Variants in USP10 observed in about 807,000 individuals in gnomAD.
USP10 encodes the protein ubiquitin specific peptidase 10.
USP10 carries 22 observed loss-of-function variants against 84.5 expected under a neutral mutation model. That is an observed-to-expected ratio of 0.26 (90% confidence interval 0.19 to 0.37). USP10 has a LOEUF of 0.37. USP10 is among the 10% of genes least tolerant of loss of function. The probability of loss-of-function intolerance (pLI) is 1.00; values close to 1 mark genes in which losing one functional copy is unlikely to be tolerated. For synonymous variants in USP10, 454 were observed against 387.6 expected, an observed-to-expected ratio of 1.17 and a Z score of -2.01; for missense variants, 1,019 against 998.9, an observed-to-expected ratio of 1.02 and a Z score of -0.27.
intron 5 of USP10, 109 bp from the exon 6 acceptor site, chr16:84,759,254 C>A: frequency 9.9e-7 from 1 of 1,009,450 alleles, no homozygotes; most frequent in Non-Finnish European, 1.5e-6. Context: ...AGTAGTTCAA[C>A]GTCCTTAGCT....
intron 1 of USP10, among the ~76,000 whole-genome samples, chr16:84,731,848 C>T (rs1909281043): frequency 6.6e-6 from 1 of 151,558 alleles, no homozygotes; most frequent in Non-Finnish European, 1.5e-5. Context: ...CCTTCCATTG[C>T]TTTGAGGGTT....
At chr16:84,721,530 T>C (rs1317692766) in intron 1 of USP10, among the ~76,000 whole-genome samples, 2 of 152,166 alleles carry the variant, frequency 1.3e-5, no homozygotes, top group African/African-American at 2.4e-5. Flanking sequence ...GTTCGAGGTT[T>C]TTTGTCTTTG....
At chr16:84,766,522 C>A (rs1003566459) in intron 10 of USP10, among the ~76,000 whole-genome samples, 3 of 152,224 alleles carry the variant, frequency 2.0e-5, no homozygotes, top group Non-Finnish European at 4.4e-5. Flanking sequence ...TGTGAGGACA[C>A]CCCCTCGGGA....
chr16:84,722,131 G>C (rs185516943), intron 1 of USP10, among the ~76,000 whole-genome samples: 1 of 152,344 alleles, frequency 6.6e-6, no homozygotes. Context: ...GCAGCTAGTG[G>C]TCTGCTTCTG....
At chr16:84,719,984 A>G (rs1214867360) in intron 1 of USP10, among the ~76,000 whole-genome samples, 1 of 152,190 alleles carries the variant, frequency 6.6e-6, no homozygotes, top group African/African-American at 2.4e-5. Flanking sequence ...CTTCAACCAA[A>G]CCTTCTAAGT....
chr16:84,761,861 G>A (rs1913244519), intron 8 of USP10, among the ~76,000 whole-genome samples: 1 of 152,260 alleles, frequency 6.6e-6, no homozygotes, highest in Admixed American at 6.5e-5. Context: ...GAGCCACCCA[G>A]GCCTGCTATG....
At chr16:84,710,508 G>A (rs1477778002) in intron 1 of USP10, among the ~76,000 whole-genome samples, 1 of 152,078 alleles carries the variant, frequency 6.6e-6, no homozygotes, top group East Asian at 1.9e-4. Flanking sequence ...TGTCCTCAGT[G>A]GTAATTGGAT....
chr16:84,778,437 C>A (rs1254037913), intron 13 of USP10, among the ~76,000 whole-genome samples: 1 of 152,150 alleles, frequency 6.6e-6, no homozygotes, highest in Non-Finnish European at 1.5e-5. Flanking sequence ...TCAGTCATTT[C>A]TTCTAGTGGC....
chr16:84,744,326 G>T lies in USP10; in HGVS notation c.152-307G>T, dbSNP rs537923496. On this transcript the variant is annotated intron_variant, in intron 3 of 13. Transcript: ENST00000219473. ...ATAAGAAAGTCAGATTCCACTGGGG[G>T]GTATTTTTAAAATTGGCAAAATATT... is the stretch of plus-strand genomic sequence containing the variant. 1.3e-3 allele frequency among the ~76,000 whole-genome samples: 192 copies of T among 151,818 alleles called. 2 individuals are homozygous for T. The highest frequency in any genetic ancestry group is 4.2e-3 in the African/African-American group (175 of 41,392).
At chr16:84,716,514 C>T (rs1907035011) in intron 1 of USP10, 1 of 152,144 alleles carries the variant, frequency 6.6e-6, no homozygotes, top group Non-Finnish European at 1.5e-5. Flanking sequence ...TTCACAGAGA[C>T]ATAGGTAAAT....
intron 1 of USP10, among the ~76,000 whole-genome samples, chr16:84,709,733 C>G (rs1015459800): frequency 1.2e-4 from 18 of 152,076 alleles, no homozygotes; most frequent in African/African-American, 3.4e-4. Flanking sequence ...GAAGACGTCT[C>G]TTGTAGAACG....
At position 84,742,803 on chromosome 16, in the gene USP10, G is replaced by A. The variant is rs543329517; in HGVS notation, c.152-1830G>A. 2.6e-5 allele frequency among the ~76,000 whole-genome samples: 4 copies of A among 152,278 alleles called. No homozygotes were observed. The East Asian group carries it at 5.8e-4, about 22-fold the overall frequency. ...CCTTCTAGTGAGATGATCAAACATGGTATTGAGTAAATGTTTGATACTAAT... is the reference window on the plus strand; with the variant it reads ...CCTTCTAGTGAGATGATCAAACATGATATTGAGTAAATGTTTGATACTAAT... On this transcript the variant is annotated intron_variant, in intron 3 of 13. Transcript: ENST00000219473.
rs201942996 is a variant in USP10 at position 84,745,660 on chromosome 16, C to T, written c.1179C>T (p.Ala393=). The part of the protein sequence containing the change: ...GLVPVSEDPV[A]IKIAELLENV... Reference sequence around the variant, plus strand: ...TTCCGGTTTCAGAGGATCCTGTAGCCATAAAGATTGCAGGTATAGTTGAAA... The same window carrying T: ...TTCCGGTTTCAGAGGATCCTGTAGCTATAAAGATTGCAGGTATAGTTGAAA... The change falls in exon 4 of 14, where the codon GCC becomes GCT. Residue 393 remains alanine, a synonymous_variant. Transcript: ENST00000219473. 21 of 1,610,642 alleles carry T rather than the reference C, an allele frequency of 1.3e-5. No homozygotes were observed. The African/African-American group carries it at 2.8e-4, about 21-fold the overall frequency.
intron 10 of USP10, among the ~76,000 whole-genome samples, chr16:84,766,060 C>T (rs1913824503): frequency 6.6e-6 from 1 of 152,060 alleles, no homozygotes; most frequent in Admixed American, 6.5e-5. Context: ...CTGTTGTTGT[C>T]CCAAATGCTG....
chr16:84,752,719 C>T (rs1912076799), intron 4 of USP10, among the ~76,000 whole-genome samples: 1 of 152,016 alleles, frequency 6.6e-6, no homozygotes, highest in South Asian at 2.1e-4. Flanking sequence ...GCTTTTGCAC[C>T]CCTGTTTTTT....
At chr16:84,708,141 C>T (rs1014237122) in intron 1 of USP10, among the ~76,000 whole-genome samples, 16 of 151,426 alleles carry the variant, frequency 1.1e-4, no homozygotes, top group African/African-American at 1.2e-4. Context: ...TCATGCTGTC[C>T]GGTGTTCATA....
chr16:84,721,323 A>C (rs1907778786), intron 1 of USP10, among the ~76,000 whole-genome samples: 1 of 152,196 alleles, frequency 6.6e-6, no homozygotes, highest in Admixed American at 6.5e-5. Context: ...TCCGTAGATG[A>C]GAGATTAACA....
At chr16:84,776,214 C>A (rs1914996700) in intron 13 of USP10, among the ~76,000 whole-genome samples, 1 of 152,318 alleles carries the variant, frequency 6.6e-6, no homozygotes, top group East Asian at 1.9e-4. Flanking sequence ...AGCAGGGCTT[C>A]AAGCTCCTGT....
chr16:84,736,602 T>C (rs1238809707), intron 2 of USP10, among the ~76,000 whole-genome samples: 1 of 152,234 alleles, frequency 6.6e-6, no homozygotes, highest in Non-Finnish European at 1.5e-5. Context: ...TTATTTATGT[T>C]CAGAAAGAAA....
Sources: allele counts gnomAD v4.1 joint callset (sites outside exome capture counted in the v4.1 genomes callset), GRCh38; gene constraint gnomAD v4.1.1; transcripts MANE v1.5; gene names NCBI Gene and HGNC (gene_info 2026-07-23, HGNC 2026-07-21).